Variants in KDM4C observed in about 807,000 individuals in gnomAD.
The protein encoded by KDM4C is lysine demethylase 4C.
KDM4C carries 81 observed loss-of-function variants against 129.3 expected under a neutral mutation model. The observed-to-expected ratio is 0.63, with a 90% confidence interval of 0.52 to 0.75. The LOEUF (loss-of-function observed/expected upper bound fraction) is 0.75. Ranked by LOEUF, KDM4C falls within the 30% of genes least tolerant of loss-of-function variation. The pLI, the probability that KDM4C is intolerant of heterozygous loss-of-function variation, is 0.00. For missense variants in KDM4C, 1,457 were observed against 1,304.0 expected (o/e 1.12, Z -1.81); for synonymous variants, 573 against 456.1 (o/e 1.26, Z -3.26).
chr9:6,747,539 C>CAAAA lies in KDM4C; in HGVS notation c.49+26559_49+26562dup, dbSNP rs35996555. Among the ~76,000 whole-genome samples, 210 of 97,800 alleles carry CAAAA rather than the reference C, an allele frequency of 2.1e-3. 6 individuals are homozygous for CAAAA. The highest frequency in any genetic ancestry group is 5.8e-3 in the Middle Eastern group (1 of 172). 64.2% of individuals were successfully genotyped at this position (97,800 alleles called of 152,430 possible). ...CTCCAACCTGGATGACAGGGCGATT[C>CAAAA]AAAAAAAAAAAAAAAAAAAAGAATA... On this transcript the variant is annotated intron_variant, in intron 1 of 17. Coordinates refer to the KDM4C transcript ENST00000536108.
intron 8 of KDM4C, among the ~76,000 whole-genome samples, chr9:6,908,314 A>C (rs531151538): frequency 1.3e-5 from 2 of 152,302 alleles, no homozygotes; most frequent in Admixed American, 6.5e-5. Flanking sequence ...GCAAACTGTT[A>C]ATGTGTTTAA....
chr9:7,100,540 G>A (rs571117976), intron 17 of KDM4C, among the ~76,000 whole-genome samples: 4 of 152,012 alleles, frequency 2.6e-5, no homozygotes, highest in East Asian at 3.9e-4. Flanking sequence ...GGGTTTTGCC[G>A]TGTTGGCCAG....
chr9:6,741,848 G>A (rs1007170290), intron 1 of KDM4C, among the ~76,000 whole-genome samples: 2 of 150,986 alleles, frequency 1.3e-5, no homozygotes, highest in East Asian at 1.9e-4. Context: ...GATTATCCAC[G>A]TGAGCCATCA....
At chr9:6,832,354 T>C (rs1834988041) in intron 4 of KDM4C, among the ~76,000 whole-genome samples, 1 of 150,200 alleles carries the variant, frequency 6.7e-6, no homozygotes, top group South Asian at 2.1e-4. Flanking sequence ...AAAAAAAAAG[T>C]TGAATTTGTC....
At chr9:6,736,756 A>G (rs1817538777) in intron 1 of KDM4C, among the ~76,000 whole-genome samples, 1 of 152,218 alleles carries the variant, frequency 6.6e-6, no homozygotes, top group Non-Finnish European at 1.5e-5. Context: ...ATCAGTATAC[A>G]GAAATCAGTA....
intron 4 of KDM4C, among the ~76,000 whole-genome samples, chr9:6,838,668 G>C (rs1264007061): frequency 2.6e-5 from 4 of 152,108 alleles, no homozygotes; most frequent in Admixed American, 6.5e-5. Flanking sequence ...TTCTAAAACA[G>C]AAAGCAGTGC....
intron 8 of KDM4C, among the ~76,000 whole-genome samples, chr9:6,965,369 C>A (rs941861293): frequency 6.6e-6 from 1 of 151,434 alleles, no homozygotes; most frequent in South Asian, 2.1e-4. Context: ...ATATATATGA[C>A]TAAATTATAT....
chr9:6,790,904 C>T (rs995597249), intron 1 of KDM4C, among the ~76,000 whole-genome samples: 1 of 152,114 alleles, frequency 6.6e-6, no homozygotes, highest in Non-Finnish European at 1.5e-5. Context: ...CCTGTGTTTT[C>T]ATAGTAAAAC....
At chr9:7,121,621 T>TA (rs1839494727) in intron 18 of KDM4C, among the ~76,000 whole-genome samples, 1 of 152,138 alleles carries the variant, frequency 6.6e-6, no homozygotes, top group Non-Finnish European at 1.5e-5. Flanking sequence ...TACACGTGTG[T>TA]TTACATATGT....
intron 1 of KDM4C, among the ~76,000 whole-genome samples, chr9:6,791,381 C>T (rs1455957745): frequency 1.3e-5 from 2 of 152,212 alleles, no homozygotes; most frequent in Non-Finnish European, 1.5e-5. Context: ...GTTGGGATTA[C>T]AGGTGTGAAC....
At chr9:6,773,064 A>G (rs996773650) in intron 1 of KDM4C, among the ~76,000 whole-genome samples, 2 of 151,124 alleles carry the variant, frequency 1.3e-5, no homozygotes, top group African/African-American at 4.9e-5. Context: ...GAGTGGTGAG[A>G]TCATGGCTCA....
chr9:6,931,466 G>A (rs1823715771), intron 8 of KDM4C, among the ~76,000 whole-genome samples: 1 of 151,702 alleles, frequency 6.6e-6, no homozygotes, highest in Admixed American at 6.6e-5. Flanking sequence ...AGTTTTGTTG[G>A]GTCTGTGGAT....
chr9:7,102,963 A>G (rs1021463518), intron 17 of KDM4C, among the ~76,000 whole-genome samples: 1 of 152,180 alleles, frequency 6.6e-6, no homozygotes, highest in South Asian at 2.1e-4. Context: ...GGCTAATTGT[A>G]TGCAATTTAC....
intron 1 of KDM4C, among the ~76,000 whole-genome samples, chr9:6,780,289 T>G (rs1210405272): frequency 2.2e-5 from 3 of 136,368 alleles, no homozygotes; most frequent in Non-Finnish European, 4.8e-5. Flanking sequence ...TTAAGTTGAA[T>G]CCTTTGGAAA....
intron 5 of KDM4C, among the ~76,000 whole-genome samples, chr9:6,865,909 ATG>A: frequency 6.6e-6 from 1 of 151,488 alleles, no homozygotes; most frequent in Admixed American, 6.6e-5. Context: ...CGCCACCACC[ATG>A]CCTGGCTAAT....
In KDM4C at chr9:6,986,459, G is replaced by C. The variant is rs563370661; in HGVS notation, c.1470G>C (p.Leu490Phe). 1.9e-6 allele frequency: 3 copies of C among 1,613,990 alleles called. No individual in the cohort carries two copies. The African/African-American group carries it at 4.0e-5, about 22-fold the overall frequency. Residue 490 changes from leucine to phenylalanine, a missense_variant, in exon 11 of 22, where the codon TTG becomes TTC. By Grantham distance (22) the Leu-to-Phe change is conservative. Coordinates refer to ENST00000381309, the MANE Select transcript of KDM4C (RefSeq NM_015061.6). ...ISSEADDSIP[L>F]SSGYEKPEKS... ...GTGAGGCTGATGATTCCATTCCATTGTCTAGTGGCTATGAGAAGCCCGAGA... is the reference window on the plus strand; with the variant it reads ...GTGAGGCTGATGATTCCATTCCATTCTCTAGTGGCTATGAGAAGCCCGAGA...
At chr9:7,028,164 C>A (rs994641975) in intron 15 of KDM4C, among the ~76,000 whole-genome samples, 2 of 152,048 alleles carry the variant, frequency 1.3e-5, no homozygotes, top group African/African-American at 4.8e-5. Flanking sequence ...AGAATCTCTC[C>A]TTGTGGCCAC....
At chr9:6,893,475 G>A (rs1008056782) in intron 8 of KDM4C, 1 of 308,578 alleles carries the variant, frequency 3.2e-6, no homozygotes, top group African/African-American at 2.2e-5. Context: ...AATTTGATGC[G>A]ACGTGTGTTT....
chr9:6,852,934 C>T (rs1046346432), intron 5 of KDM4C, among the ~76,000 whole-genome samples: 1 of 152,124 alleles, frequency 6.6e-6, no homozygotes, highest in Non-Finnish European at 1.5e-5. Context: ...GGCCACCCCT[C>T]CTGCCATCTC....
Sources: allele counts gnomAD v4.1 joint callset (sites outside exome capture counted in the v4.1 genomes callset), GRCh38; gene constraint gnomAD v4.1.1; transcripts MANE v1.5; gene names NCBI Gene and HGNC (gene_info 2026-07-23, HGNC 2026-07-21).